ZNF708: variants seen among roughly 807,000 people sequenced by gnomAD.
The protein encoded by ZNF708 is ZNF15, ZNF15L1.
Under a neutral mutation model 47.0 loss-of-function variants are expected in ZNF708, and 44 were observed. That is an observed-to-expected ratio of 0.94 (90% CI 0.74 to 1.20). The LOEUF (loss-of-function observed/expected upper bound fraction) is 1.20. Among genes scored for constraint, ZNF708 ranks in the 50% most tolerant of loss-of-function variants. ZNF708 has a pLI of 0.00. For synonymous variants in ZNF708, 184 were observed against 218.5 expected, an observed-to-expected ratio of 0.84 and a Z score of 1.39; for missense variants, 557 against 656.0, an observed-to-expected ratio of 0.85 and a Z score of 1.65.
Position 21,325,278 on chromosome 19 carries a change from A to G in ZNF708, c.3+3932T>C, listed in dbSNP as rs374689569. On this transcript the variant is annotated intron_variant, in intron 1 of 3. Transcript: ENST00000356929. ...GCCAAAACAAGGCTAAGCAAAAAGA[A>G]CAAATCTGGAGGCATAACATTACCT... is the stretch of plus-strand genomic sequence containing the variant. Among the ~76,000 whole-genome samples the G allele has an allele frequency of 4.3e-4, 65 of 152,332 alleles. 1 individual carries two copies. The East Asian group carries it at 5.4e-3, about 13-fold the overall frequency.
In ZNF708 at chr19:21,293,426, T is replaced by G; in HGVS notation, c.1540A>C (p.Asn514His). The G allele has an allele frequency of 6.2e-7, 1 of 1,613,670 alleles. No homozygotes were observed. Among genetic ancestry groups the G allele is most frequent in the Non-Finnish European group, 8.5e-7 (1 of 1,179,836 alleles). Residue 514 changes from asparagine (N) to histidine (H), a missense_variant, in exon 4 of 4, where the codon AAC (asparagine) becomes CAC (histidine). Asn to His is a moderately conservative substitution (Grantham distance 68). Transcript: ENST00000356929. ...YKCKECGKAFNQSSTLMKHKI... is the reference protein window; with the variant it reads ...YKCKECGKAFHQSSTLMKHKI... ...TGTTTCATAAGGGTTGAGGACTGGTTAAAAGCTTTGCCACATTCTTTACAT... is the reference window on the plus strand; with the variant it reads ...TGTTTCATAAGGGTTGAGGACTGGTGAAAAGCTTTGCCACATTCTTTACAT...
At chr19:21,311,892 C>A (rs543258168) in intron 1 of ZNF708, among the ~76,000 whole-genome samples, 82 of 152,246 alleles carry the variant, frequency 5.4e-4, no homozygotes, top group African/African-American at 1.9e-3. Context: ...CAGAAACAGC[C>A]CTATGGCCAC....
At chr19:21,306,058 T>C (rs1972758447) in intron 3 of ZNF708, among the ~76,000 whole-genome samples, 1 of 152,186 alleles carries the variant, frequency 6.6e-6, no homozygotes, top group Non-Finnish European at 1.5e-5. Flanking sequence ...ATCATTTCCT[T>C]GAACAAAATA....
chr19:21,309,184 G>A (rs1972846319), intron 3 of ZNF708, 62 bp downstream of exon 3: 1 of 1,420,878 alleles, frequency 7.0e-7, no homozygotes, highest in Non-Finnish European at 9.5e-7. Flanking sequence ...TTTAAGGACT[G>A]GTTTTCTCTT....
chr19:21,318,681 A>T (rs990888136), intron 1 of ZNF708: 1 of 152,228 alleles, frequency 6.6e-6, no homozygotes, highest in African/African-American at 2.4e-5. Flanking sequence ...TGGGGGTTCC[A>T]TATTGAAATA....
At chr19:21,315,246 A>G (rs989290934) in intron 1 of ZNF708, among the ~76,000 whole-genome samples, 1 of 152,198 alleles carries the variant, frequency 6.6e-6, no homozygotes, top group Non-Finnish European at 1.5e-5. Flanking sequence ...GAAAAGCTCA[A>G]AGAGCCACAG....
Position 21,324,243 on chromosome 19 carries a change from A to G in ZNF708, c.3+4967T>C, listed in dbSNP as rs539431632. On this transcript the variant is annotated intron_variant, in intron 1 of 3. Coordinates refer to ENST00000356929, the MANE Select transcript of ZNF708 (RefSeq NM_021269.3). ...TGGCTACAGAGCAAGACTCCGTCTC[A>G]AAAAAAAATAAACTTAAGTGTTTAA... Among the ~76,000 whole-genome samples, 34 of 148,800 alleles carry G rather than the reference A, an allele frequency of 2.3e-4. No homozygotes were observed. The South Asian group carries it at 7.3e-3, about 32-fold the overall frequency.
At position 21,305,414 on chromosome 19, in the gene ZNF708, C is replaced by T. The variant is rs867383262; in HGVS notation, c.226+3832G>A. Among the ~76,000 whole-genome samples the T allele has an allele frequency of 2.6e-5, 4 of 151,676 alleles. No individual in the cohort carries two copies. In the South Asian group the frequency reaches 6.3e-4, roughly 24 times the overall value. ...ATTTAATATAATCTCTATAAAAACC[C>T]TAATCACACAGTTTTTTACAGAAAT... On this transcript the variant is annotated intron_variant, in intron 3 of 3. Transcript: ENST00000356929.
Position 21,292,438 on chromosome 19 carries a change from C to G in ZNF708, c.*836G>C, listed in dbSNP as rs537998160. 1 of 152,178 alleles carries G rather than the reference C, an allele frequency of 6.6e-6. No homozygotes were observed. Among genetic ancestry groups the G allele is most frequent in the South Asian group, 2.1e-4 (1 of 4,824 alleles). 9.4% of individuals were successfully genotyped at this position (152,178 alleles called of 1,614,324 possible). On this transcript the variant is annotated 3_prime_UTR_variant, in exon 4 of 4. Coordinates refer to ENST00000356929, the MANE Select transcript of ZNF708 (RefSeq NM_021269.3). The stretch of plus-strand genomic sequence containing the variant: ...TGCAAAAATATATCTCAGTATGAAC[C>G]CTCTGGTGTTGTCTAAGTTGTAGTT...
Position 21,329,360 on chromosome 19 carries a change from GC to G in ZNF708, c.-149del, listed in dbSNP as rs1351633619. The G allele has an allele frequency of 1.1e-5, 14 of 1,312,588 alleles. No individual in the cohort carries two copies. The Admixed American group carries it at 2.2e-4, about 21-fold the overall frequency. 81.3% of individuals were successfully genotyped at this position (1,312,588 alleles called of 1,614,324 possible). ...GCTCCGGCTGCAGCAAGAGACAAAG[GC>G]CGCGCCAAACCCGGAAGCCGCCCTG... On this transcript the variant is annotated 5_prime_UTR_variant, in exon 1 of 4. Coordinates refer to ENST00000356929, the MANE Select transcript of ZNF708 (RefSeq NM_021269.3).
At chr19:21,299,302 G>A (rs960491740) in intron 3 of ZNF708, among the ~76,000 whole-genome samples, 2 of 152,034 alleles carry the variant, frequency 1.3e-5, no homozygotes, top group Non-Finnish European at 2.9e-5. Context: ...GCAATGAGGC[G>A]AGATTGCACC....
At chr19:21,309,785 C>T (rs1413157863) in intron 2 of ZNF708, among the ~76,000 whole-genome samples, 1 of 152,126 alleles carries the variant, frequency 6.6e-6, no homozygotes, top group Non-Finnish European at 1.5e-5. Context: ...GTAAATTAAT[C>T]ACAAAATACT....
rs558839943 is a variant in ZNF708 at position 21,304,291 on chromosome 19, T to G, written c.226+4955A>C. Among the ~76,000 whole-genome samples the G allele has an allele frequency of 1.3e-4, 19 of 151,766 alleles. No individual in the cohort carries two copies. In the South Asian group the frequency reaches 4.0e-3, roughly 32 times the overall value. ...TTTTTTTTTAACCAACCAGCTCTCA[T>G]TTGAATCAATAGAGCGTAACCTTTT... On this transcript the variant is annotated intron_variant, in intron 3 of 3. Coordinates refer to ENST00000356929, the MANE Select transcript of ZNF708 (RefSeq NM_021269.3).
At chr19:21,300,941 T>G (rs943572972) in intron 3 of ZNF708, among the ~76,000 whole-genome samples, 2 of 151,948 alleles carry the variant, frequency 1.3e-5, no homozygotes, top group African/African-American at 4.8e-5. Context: ...ATTACAGGCA[T>G]GAGCCACCAT....
At chr19:21,304,258 GTTT>G (rs35296332) in intron 3 of ZNF708, among the ~76,000 whole-genome samples, 4 of 139,074 alleles carry the variant, frequency 2.9e-5, no homozygotes, top group African/African-American at 5.2e-5. Context: ...AAGAAGCCAG[GTTT>G]TTTTTTTTTT....
At position 21,310,514 on chromosome 19, in the gene ZNF708, G is replaced by C; in HGVS notation, c.117C>G (p.Asn39Lys). The C allele has an allele frequency of 7.1e-7, 1 of 1,413,820 alleles. No homozygotes were observed. The highest frequency in any genetic ancestry group is 2.7e-5 in the East Asian group (1 of 36,536). The allele number at this position is 1,413,820 out of a possible 1,614,324, so 87.6% of individuals were successfully genotyped here. Residue 39 changes from asparagine (N) to lysine (K), a missense_variant, in exon 2 of 4, where the codon AAC (asparagine) becomes AAG (lysine). Transcript: ENST00000356929. ...YRNVMLENYR[N>K]LVFLGIAVSN... ...ACTTATCCTCACCCAGGAATACCAG[G>C]TTTCTATAATTCTCTAACATGACAT...
chr19:21,317,199 G>C (rs1010257305), intron 1 of ZNF708, among the ~76,000 whole-genome samples: 1 of 151,892 alleles, frequency 6.6e-6, no homozygotes, highest in Non-Finnish European at 1.5e-5. Flanking sequence ...AAAATCACTT[G>C]AACACAGGAG....
chr19:21,308,411 C>A (rs749738859), intron 3 of ZNF708, among the ~76,000 whole-genome samples: 6 of 151,928 alleles, frequency 3.9e-5, no homozygotes, highest in Non-Finnish European at 5.9e-5. Context: ...TCCAGAGTAG[C>A]TGGGATTACA....
intron 1 of ZNF708, among the ~76,000 whole-genome samples, chr19:21,322,423 T>C (rs1318358897): frequency 6.6e-6 from 1 of 151,990 alleles, no homozygotes; most frequent in Non-Finnish European, 1.5e-5. Flanking sequence ...TTCCTCAGCC[T>C]CCTGAATAGC....
Sources: allele counts gnomAD v4.1 joint callset (sites outside exome capture counted in the v4.1 genomes callset), GRCh38; gene constraint gnomAD v4.1.1; transcripts MANE v1.5; gene names NCBI Gene and HGNC (gene_info 2026-07-23, HGNC 2026-07-21).